CHD8: variants seen among roughly 807,000 people sequenced by gnomAD.
The protein encoded by CHD8 is ATP-dependent chromatin remodeler CHD8.
CHD8 carries 31 observed loss-of-function variants against 279.2 expected under a neutral mutation model. That is an observed-to-expected ratio of 0.11 (90% CI 0.08 to 0.15). The LOEUF (loss-of-function observed/expected upper bound fraction) is 0.15. Among genes scored for constraint, CHD8 ranks in the 10% least tolerant of loss-of-function variants. CHD8 has a pLI of 1.00. For missense variants in CHD8, 2,146 were observed against 3,230.5 expected, an observed-to-expected ratio of 0.66 and a Z score of 8.14; for synonymous variants, 1,081 against 1,139.6, an observed-to-expected ratio of 0.95 and a Z score of 1.04.
At position 21,431,423 on chromosome 14, in the gene CHD8, G is replaced by A; in HGVS notation, c.221C>T (p.Ala74Val). 1 of 1,537,274 alleles carries A rather than the reference G, an allele frequency of 6.5e-7. No individual in the cohort carries two copies. Among genetic ancestry groups the A allele is most frequent in the South Asian group, 1.2e-5 (1 of 84,062 alleles). Residue 74 changes from alanine to valine, a missense_variant, in exon 2 of 38, where the codon GCT becomes GTT. This residue lies in a region of CHD8 where 302 missense variants were observed against 325.5 expected (regional missense o/e 0.93). Transcript: ENST00000646647. ...GGATTCTTTGGAAAGTTCTGTGGGA[G>A]CTGTTTCCTCTGGTGGAGGGACCAG... ...SELVPPPEET[A>V]PTELSKESTA...
intron 26 of CHD8, 192 bp downstream of exon 26, chr14:21,399,410 C>G: frequency 1.8e-6 from 1 of 554,782 alleles, no homozygotes; most frequent in Admixed American, 3.0e-5. Flanking sequence ...ACCTATCCAT[C>G]TGGCCCTTCT....
chr14:21,431,952 T>C (rs928514747), intron 1 of CHD8, 94 bp from the exon 2 acceptor site: 9 of 746,310 alleles, frequency 1.2e-5, no homozygotes, highest in Admixed American at 6.2e-5. Context: ...TAATATCAAA[T>C]AGCATGAATA....
In CHD8 at chr14:21,402,340, G is replaced by C; in HGVS notation, c.3878C>G (p.Thr1293Ser). Residue 1293 changes from threonine (T) to serine (S), a missense_variant, in exon 19 of 38, where the codon ACT becomes AGT. Thr to Ser is a moderately conservative substitution (Grantham distance 58). Transcript: ENST00000646647. The surrounding 1 kb of genome is among the most constrained non-coding windows in gnomAD (Gnocchi z 4.5). Reference sequence around the variant, plus strand: ...CTATAAACTAAGAGGACTCACTCCAGTAATGTTGCCATCCCGACCACTCAT... The same window carrying C: ...CTATAAACTAAGAGGACTCACTCCACTAATGTTGCCATCCCGACCACTCAT... The part of the protein sequence containing the change: ...QSMSGRDGNI[T>S]GIQQFSKKEI... The C allele has an allele frequency of 6.2e-7, 1 of 1,613,936 alleles. No individual in the cohort carries two copies. The highest frequency in any genetic ancestry group is 8.5e-7 in the Non-Finnish European group (1 of 1,179,854).
intron 37 of CHD8, among the ~76,000 whole-genome samples, chr14:21,389,302 GA>G (rs5807077): frequency 0.29 from 39,653 of 135,474 alleles, 5,348 homozygotes; most frequent in East Asian, 0.36. Context: ...TCCGTCTCAG[GA>G]AAAAAAAAAA....
intron 5 of CHD8, among the ~76,000 whole-genome samples, chr14:21,421,163 C>T (rs773175789): frequency 3.1e-4 from 47 of 152,114 alleles, no homozygotes; most frequent in Non-Finnish European, 2.6e-4. Flanking sequence ...ATAATCATGA[C>T]CCACTTACCA....
At position 21,408,917 on chromosome 14, in the gene CHD8, A is replaced by G. The variant is rs1888364130; in HGVS notation, c.2365-92T>C. The G allele has an allele frequency of 7.8e-7, 1 of 1,283,360 alleles. No individual in the cohort carries two copies. Among genetic ancestry groups the G allele is most frequent in the Non-Finnish European group, 1.1e-6 (1 of 932,448 alleles). The allele number at this position is 1,283,360 out of a possible 1,614,324, so 79.5% of individuals were successfully genotyped here. ...GTTCTAATAGTTAAAATCAATTCAA[A>G]ACAACATTGTTTGGATTAAAACATG... On this transcript the variant is annotated intron_variant, in intron 11 of 37. Coordinates refer to ENST00000646647, the MANE Select transcript of CHD8 (RefSeq NM_001170629.2). This position sits in a 1 kb window ranked among gnomAD's most constrained non-coding sequence, Gnocchi z 4.3.
chr14:21,439,382 C>T (rs1594388533), intron 1 of CHD8, among the ~76,000 whole-genome samples: 2 of 152,196 alleles, frequency 1.3e-5, no homozygotes, highest in East Asian at 3.9e-4. Context: ...AACCTCCCCC[C>T]TGTAGCCACC....
At chr14:21,406,560 A>G (rs1016976063) in intron 14 of CHD8, among the ~76,000 whole-genome samples, 5 of 152,200 alleles carry the variant, frequency 3.3e-5, no homozygotes, top group Non-Finnish European at 7.3e-5. Context: ...GTTGAGCTAG[A>G]AGATCATGAA....
rs75816325 is a variant in CHD8, at chr14:21,409,721, T to C, written c.2364+130A>G. 1,797 of 793,166 alleles carry C rather than the reference T, an allele frequency of 2.3e-3. 21 individuals carry two copies. In the African/African-American group the frequency reaches 0.025, roughly 11 times the overall value. 49.1% of individuals were successfully genotyped at this position (793,166 alleles called of 1,614,324 possible). A position where few individuals can be genotyped will look rare whatever the true frequency, so the allele number is the denominator to read the frequency against. Reference sequence around the variant, plus strand: ...TGTTACGTGGGTGATGGGTACATTATACCATTTCTTCGATTTTTATATGTT... The same window carrying C: ...TGTTACGTGGGTGATGGGTACATTACACCATTTCTTCGATTTTTATATGTT... On this transcript the variant is annotated intron_variant, in intron 11 of 37. Transcript: ENST00000646647.
At chr14:21,398,264 G>C (rs1055287526) in intron 26 of CHD8, 2 of 158,074 alleles carry the variant, frequency 1.3e-5, no homozygotes, top group Non-Finnish European at 2.8e-5. Flanking sequence ...TTTTGAGATG[G>C]AGTCTCACTC....
intron 2 of CHD8, 167 bp from the exon 3 acceptor site, chr14:21,429,502 T>C: frequency 1.2e-6 from 1 of 819,276 alleles, no homozygotes; most frequent in South Asian, 1.3e-5. Flanking sequence ...ATCTTTTTTG[T>C]TATTTTTAGA....
chr14:21,393,014 A>T, intron 33 of CHD8, 92 bp downstream of exon 33: 1 of 1,415,426 alleles, frequency 7.1e-7, no homozygotes, highest in East Asian at 2.4e-5. Context: ...CACAATTTTA[A>T]AAATCCAGAA....
Position 21,392,680 on chromosome 14 carries a change from T to A in CHD8, c.6598A>T (p.Ser2200Cys). ...ILGPGNHLLD[S>C]PSLTPGEYGD... ...TATTCTCCAGGAGTCAATGAGGGAC[T>A]GTCTAGCAAGTGGTTGCCTGGCCCC... Residue 2200 changes from serine (S) to cysteine (C), a missense_variant, in exon 34 of 38, where the codon AGT (serine) becomes TGT (cysteine). By Grantham distance (112) the Ser-to-Cys change is moderately radical (BLOSUM62 -1). This residue lies in a region of CHD8 where 513 missense variants were observed against 637.6 expected (regional missense o/e 0.80). Coordinates refer to ENST00000646647, the MANE Select transcript of CHD8 (RefSeq NM_001170629.2). 1.9e-6 allele frequency: 3 copies of A among 1,614,034 alleles called. No individual in the cohort carries two copies. Among genetic ancestry groups the A allele is most frequent in the Middle Eastern group, 1.6e-4 (1 of 6,062 alleles).
At chr14:21,437,232 G>A in intron 1 of CHD8, 21 of 1,185,060 alleles carry the variant, frequency 1.8e-5, no homozygotes, top group South Asian at 1.7e-4. Context: ...CCCTCTCCCT[G>A]TCTCTCCAGC....
At chr14:21,417,146 C>T (rs970340041) in intron 5 of CHD8, among the ~76,000 whole-genome samples, 1 of 152,114 alleles carries the variant, frequency 6.6e-6, no homozygotes, top group Non-Finnish European at 1.5e-5. Context: ...TGGCAAAAAT[C>T]AGCAAGTTTG....
At chr14:21,451,496 C>A (rs139898966) in intron 1 of CHD8, among the ~76,000 whole-genome samples, 2,210 of 137,294 alleles carry the variant, frequency 0.016, 48 homozygotes, top group African/African-American at 0.058. Context: ...CACCTGAACC[C>A]GGGAGGCGGA....
chr14:21,399,796 C>T (rs1887951469), intron 25 of CHD8, 91 bp from the exon 26 acceptor site: 1 of 1,023,464 alleles, frequency 9.8e-7, no homozygotes, highest in Non-Finnish European at 1.5e-6. Flanking sequence ...CTTCCTGTAT[C>T]CATTAATTTA....
Position 21,385,676 on chromosome 14 carries a change from G to A in CHD8, c.7683C>T (p.Phe2561=). 1 of 1,552,018 alleles carries A rather than the reference G, an allele frequency of 6.4e-7. No individual in the cohort carries two copies. The highest frequency in any genetic ancestry group is 1.7e-4 in the Middle Eastern group (1 of 5,992). The change falls in exon 38 of 38, where the codon TTC becomes TTT. Residue 2561 remains phenylalanine (F), a synonymous_variant. Coordinates refer to ENST00000646647, the MANE Select transcript of CHD8 (RefSeq NM_001170629.2). The part of the protein sequence containing the change: ...SQGYDSSERD[F]SLIDDPMMPA... ...GCATCATAGGATCATCAATGAGTGA[G>A]AAGTCCCTTTCTGAGCTATCATAGC...
rs373607095 is a variant in CHD8, at chr14:21,394,133, A to G, written c.5662T>C (p.Tyr1888His). The change falls in exon 32 of 38, where the codon TAC (tyrosine) becomes CAC (histidine). Residue 1888 changes from tyrosine to histidine, a missense_variant. This residue lies in a region of CHD8 where 513 missense variants were observed against 637.6 expected (regional missense o/e 0.80). Coordinates refer to ENST00000646647, the MANE Select transcript of CHD8 (RefSeq NM_001170629.2). ...ITEERASRTL[Y>H]RIELLRRLRE... ...AAGCGCCGAAGCAATTCTATACGGT[A>G]GAGAGTCCGTGAGGCTCTCTCCTCA... The G allele has an allele frequency of 1.3e-5, 21 of 1,611,862 alleles. No individual in the cohort carries two copies. In the African/African-American group the frequency reaches 1.9e-4, roughly 14 times the overall value.
Sources: gnomAD v4.1 joint callset for allele counts (sites outside exome capture counted in the v4.1 genomes callset) on GRCh38, gnomAD v4.1.1 for gene constraint, gnomAD v4.1.1 regional missense constraint, Gnocchi (gnomAD v3.1) non-coding constraint, MANE v1.5 for transcripts, NCBI Gene and HGNC (gene_info 2026-07-23, HGNC 2026-07-21) for gene names.